Variants in RAB27B observed in about 807,000 individuals in gnomAD.
RAB27B encodes the protein ras-related protein Rab-27B.
In RAB27B, 15 loss-of-function variants were observed where a neutral mutation model predicts 24.6. The ratio of observed to expected loss-of-function variants is 0.61; its 90% CI spans 0.41 to 0.94. RAB27B has a LOEUF of 0.94. Ranked by LOEUF, RAB27B falls within the 40% of genes least tolerant of loss-of-function variation. The pLI is 0.00. For synonymous variants in RAB27B, 105 were observed against 92.5 expected (o/e 1.14, Z -0.78); for missense variants, 261 against 266.8 (o/e 0.98, Z 0.15).
chr18:54,858,316 T>C (rs1911864120), intron 1 of RAB27B, among the ~76,000 whole-genome samples: 1 of 152,220 alleles, frequency 6.6e-6, no homozygotes, highest in African/African-American at 2.4e-5. Context: ...TTTTCATAAT[T>C]ATGCCTTTTG....
chr18:54,753,868 A>G (rs924187913), intron 2 of RAB27B, among the ~76,000 whole-genome samples: 1 of 152,128 alleles, frequency 6.6e-6, no homozygotes, highest in Admixed American at 6.5e-5. Flanking sequence ...AGCCATACAC[A>G]CTCACACACT....
In RAB27B at chr18:54,752,002, A is replaced by T. The variant is rs889577705; in HGVS notation, c.-20+33861A>T. Among the ~76,000 whole-genome samples, 5 of 152,242 alleles carry T rather than the reference A, an allele frequency of 3.3e-5. No homozygotes were observed. The South Asian group carries it at 1.0e-3, about 32-fold the overall frequency. On this transcript the variant is annotated intron_variant, in intron 2 of 4. Transcript: ENST00000586570. The stretch of plus-strand genomic sequence containing the variant: ...GGCCGCAACAGGCTCATGCCCTTAG[A>T]TCCAAATTGCGGCGTTATGGTAAGG...
At chr18:54,719,769 T>C (rs972074750) in intron 2 of RAB27B, among the ~76,000 whole-genome samples, 1 of 152,092 alleles carries the variant, frequency 6.6e-6, no homozygotes, top group Non-Finnish European at 1.5e-5. Flanking sequence ...TTCTCCTTTC[T>C]CTTTTTAAAA....
At chr18:54,724,120 A>C (rs1355204684) in intron 2 of RAB27B, among the ~76,000 whole-genome samples, 1 of 151,554 alleles carries the variant, frequency 6.6e-6, no homozygotes, top group Non-Finnish European at 1.5e-5. Flanking sequence ...TTTTATTTAC[A>C]TCAAAAGTTG....
intron 1 of RAB27B, among the ~76,000 whole-genome samples, chr18:54,877,366 G>T (rs1912743936): frequency 6.6e-6 from 1 of 152,138 alleles, no homozygotes; most frequent in African/African-American, 2.4e-5. Context: ...TAGGTGATAT[G>T]TGGTAAAAAG....
intron 2 of RAB27B, among the ~76,000 whole-genome samples, chr18:54,810,962 G>A (rs1909944841): frequency 6.6e-6 from 1 of 152,156 alleles, no homozygotes; most frequent in Admixed American, 6.5e-5. Flanking sequence ...GAATTCTGTT[G>A]TTAAATTATC....
At chr18:54,879,039 A>G (rs1912816760) in intron 2 of RAB27B, among the ~76,000 whole-genome samples, 1 of 152,196 alleles carries the variant, frequency 6.6e-6, no homozygotes. Flanking sequence ...AGATAAGAAA[A>G]TAAGACTCAA....
chr18:54,870,130 A>G lies in RAB27B; in HGVS notation c.-19-7437A>G, dbSNP rs1051120990. 3.3e-5 allele frequency among the ~76,000 whole-genome samples: 5 copies of G among 152,208 alleles called. 1 individual carries two copies. The highest frequency in any genetic ancestry group is 9.6e-5 in the African/African-American group (4 of 41,466). ...GTTCTATGAAGTTAATATAATGCAAAGGTCAAAACCACAGATTGTTTCAAA... is the reference window on the plus strand; with the variant it reads ...GTTCTATGAAGTTAATATAATGCAAGGGTCAAAACCACAGATTGTTTCAAA... On this transcript the variant is annotated intron_variant, in intron 1 of 5. Coordinates refer to ENST00000262094, the MANE Select transcript of RAB27B (RefSeq NM_004163.4).
intron 2 of RAB27B, among the ~76,000 whole-genome samples, chr18:54,818,008 G>T (rs1024939274): frequency 6.6e-6 from 1 of 152,150 alleles, no homozygotes; most frequent in East Asian, 1.9e-4. Flanking sequence ...TGAAGTCGAA[G>T]TTGGTTAAGC....
At chr18:54,856,016 A>G (rs1404292266) in intron 1 of RAB27B, among the ~76,000 whole-genome samples, 1 of 152,252 alleles carries the variant, frequency 6.6e-6, no homozygotes, top group Non-Finnish European at 1.5e-5. Context: ...CAAGACGTGC[A>G]AAGCTTCTGC....
At chr18:54,750,607 A>G (rs1326687173) in intron 2 of RAB27B, among the ~76,000 whole-genome samples, 1 of 152,198 alleles carries the variant, frequency 6.6e-6, no homozygotes, top group East Asian at 1.9e-4. Flanking sequence ...GTACTGTGGA[A>G]GCATCAGATA....
chr18:54,783,197 C>G (rs1459465532), intron 2 of RAB27B, among the ~76,000 whole-genome samples: 1 of 151,864 alleles, frequency 6.6e-6, no homozygotes, highest in Non-Finnish European at 1.5e-5. Context: ...GAACTCCTGA[C>G]CTCAAGTGAT....
intron 2 of RAB27B, among the ~76,000 whole-genome samples, chr18:54,723,431 C>T (rs55987330): frequency 0.17 from 26,027 of 152,080 alleles, 3,008 homozygotes; most frequent in African/African-American, 0.33. Context: ...AACTATTATG[C>T]TTGGAACAAT....
At chr18:54,860,317 T>C (rs369951141) in intron 1 of RAB27B, among the ~76,000 whole-genome samples, 30 of 152,248 alleles carry the variant, frequency 2.0e-4, no homozygotes, top group African/African-American at 3.9e-4. Flanking sequence ...CATGATACCA[T>C]TGACAACAAT....
At chr18:54,733,635 A>G (rs1456376512) in intron 2 of RAB27B, among the ~76,000 whole-genome samples, 1 of 142,308 alleles carries the variant, frequency 7.0e-6, no homozygotes, top group Non-Finnish European at 1.5e-5. Context: ...TTTAGGTGAA[A>G]TCTTCTGTTC....
chr18:54,851,394 T>C (rs1911581498), intron 1 of RAB27B, among the ~76,000 whole-genome samples: 1 of 152,226 alleles, frequency 6.6e-6, no homozygotes, highest in South Asian at 2.1e-4. Flanking sequence ...ATAGTTCATC[T>C]ACCCAGAAGC....
chr18:54,742,011 G>C (rs531018962), intron 2 of RAB27B, among the ~76,000 whole-genome samples: 26 of 152,298 alleles, frequency 1.7e-4, no homozygotes, highest in Admixed American at 1.6e-3. Flanking sequence ...TGGCCTGAAG[G>C]CTTGTGCTAC....
intron 2 of RAB27B, among the ~76,000 whole-genome samples, chr18:54,780,190 C>T (rs1311634290): frequency 9.8e-5 from 13 of 132,154 alleles, no homozygotes; most frequent in Admixed American, 1.5e-4. Flanking sequence ...TGTCTCCCCT[C>T]TCCTGACTGC....
intron 1 of RAB27B, among the ~76,000 whole-genome samples, chr18:54,862,898 T>C (rs1419316443): frequency 6.6e-6 from 1 of 152,244 alleles, no homozygotes; most frequent in Non-Finnish European, 1.5e-5. Flanking sequence ...CTATAAATCA[T>C]AAATTACTTT....
Sources: gnomAD v4.1 joint callset for allele counts (sites outside exome capture counted in the v4.1 genomes callset) on GRCh38, gnomAD v4.1.1 for gene constraint, MANE v1.5 for transcripts, NCBI Gene and HGNC (gene_info 2026-07-23, HGNC 2026-07-21) for gene names.